The following NTM variants were observed in gnomAD, a reference collection of about 807,000 sequenced individuals.
NTM encodes the protein IgLON family member 2.
A neutral mutation model predicts 42.1 loss-of-function variants in NTM; 13 were observed. The ratio of observed to expected loss-of-function variants is 0.31; its 90% CI spans 0.20 to 0.49. NTM has a LOEUF of 0.49. NTM is among the 20% of genes least tolerant of loss of function. The pLI, the probability that NTM is intolerant of heterozygous loss-of-function variation, is 0.99. For synonymous variants in NTM, 187 were observed against 179.2 expected (o/e 1.04, Z -0.35); for missense variants, 373 against 452.8 (o/e 0.82, Z 1.60).
chr11:131,856,927 G>C (rs79414700), intron 1 of NTM, among the ~76,000 whole-genome samples: 8,124 of 152,230 alleles, frequency 0.053, 705 homozygotes, highest in African/African-American at 0.18. Context: ...GGGGCTGGCA[G>C]CCAGGTATAC....
At chr11:132,312,021 C>T (rs1320498268) in intron 6 of NTM, among the ~76,000 whole-genome samples, 1 of 152,154 alleles carries the variant, frequency 6.6e-6, no homozygotes, top group Admixed American at 6.5e-5. Flanking sequence ...CTCCCCTTTC[C>T]ATTTAGTGGT....
At chr11:131,925,958 A>G (rs1209425399) in intron 2 of NTM, among the ~76,000 whole-genome samples, 1 of 152,104 alleles carries the variant, frequency 6.6e-6, no homozygotes, top group African/African-American at 2.4e-5. Flanking sequence ...AGCTGAATGT[A>G]TCCTTGGAGA....
In NTM at chr11:131,549,518, C is replaced by T. The variant is rs1018810664; in HGVS notation, c.82+178630C>T. Among the ~76,000 whole-genome samples the T allele has an allele frequency of 2.6e-5, 4 of 152,040 alleles. No homozygotes were observed. The East Asian group carries it at 5.8e-4, about 22-fold the overall frequency. The stretch of plus-strand genomic sequence containing the variant: ...ACTAAATCTTTCATACATATTATCC[C>T]ACAATGACACCATGGAGTAATGATT... On this transcript the variant is annotated intron_variant, in intron 1 of 8. Coordinates refer to ENST00000683400, the MANE Select transcript of NTM (RefSeq NM_001352005.2).
intron 2 of NTM, among the ~76,000 whole-genome samples, chr11:131,962,585 C>T (rs2134532898): frequency 6.6e-6 from 1 of 152,344 alleles, no homozygotes; most frequent in South Asian, 2.1e-4. Context: ...GGATCTTGGA[C>T]TTCCCAGCCT....
chr11:131,718,455 A>ACAAGATACTCATGCGTACC (rs564320416), intron 1 of NTM, among the ~76,000 whole-genome samples: 166 of 152,308 alleles, frequency 1.1e-3, no homozygotes, highest in African/African-American at 3.8e-3. Flanking sequence ...CATCACTGAC[A>ACAAGATACTCATGCGTACC]CAAGATACTC....
At chr11:131,971,596 G>A (rs2063536088) in intron 2 of NTM, among the ~76,000 whole-genome samples, 1 of 152,054 alleles carries the variant, frequency 6.6e-6, no homozygotes, top group African/African-American at 2.4e-5. Context: ...ATATATGCTG[G>A]AACCAACCTG....
chr11:131,464,772 C>T (rs1280376345), intron 1 of NTM, among the ~76,000 whole-genome samples: 1 of 152,160 alleles, frequency 6.6e-6, no homozygotes, highest in Non-Finnish European at 1.5e-5. Context: ...TGTCAGTGTC[C>T]AAGCGGGTCT....
intron 1 of NTM, among the ~76,000 whole-genome samples, chr11:131,551,840 C>T (rs2054706856): frequency 6.6e-6 from 1 of 152,104 alleles, no homozygotes; most frequent in South Asian, 2.1e-4. Context: ...TGAACTATAG[C>T]AAAAAATTCC....
At chr11:132,077,762 A>C (rs528768852) in intron 2 of NTM, among the ~76,000 whole-genome samples, 1 of 152,196 alleles carries the variant, frequency 6.6e-6, no homozygotes, top group Non-Finnish European at 1.5e-5. Flanking sequence ...ACAAGCAACA[A>C]GAACAAACTT....
chr11:132,169,663 C>T (rs1001748178), intron 3 of NTM, among the ~76,000 whole-genome samples: 1 of 152,014 alleles, frequency 6.6e-6, no homozygotes, highest in Non-Finnish European at 1.5e-5. Context: ...ACTTCTTAGA[C>T]TGGCAGTATC....
At chr11:131,625,316 T>G (rs916284391) in intron 1 of NTM, among the ~76,000 whole-genome samples, 4 of 152,182 alleles carry the variant, frequency 2.6e-5, no homozygotes, top group Admixed American at 6.5e-5. Flanking sequence ...TGGACCCCTC[T>G]GAGCAAGGGG....
intron 2 of NTM, among the ~76,000 whole-genome samples, chr11:132,025,794 A>G (rs1256957982): frequency 6.6e-6 from 1 of 152,240 alleles, no homozygotes; most frequent in African/African-American, 2.4e-5. Flanking sequence ...CTGTGAAAAT[A>G]GATTTCATAT....
At chr11:131,949,195 A>G (rs2060705564) in intron 2 of NTM, among the ~76,000 whole-genome samples, 1 of 152,224 alleles carries the variant, frequency 6.6e-6, no homozygotes, top group Non-Finnish European at 1.5e-5. Flanking sequence ...TGTATATTGC[A>G]TACTGTTACA....
intron 2 of NTM, among the ~76,000 whole-genome samples, chr11:131,952,494 T>A (rs2061121209): frequency 6.6e-6 from 1 of 152,222 alleles, no homozygotes; most frequent in Non-Finnish European, 1.5e-5. Context: ...CTTATGGGCA[T>A]TTTAATTTTT....
chr11:131,498,076 G>A (rs536225141), intron 1 of NTM, among the ~76,000 whole-genome samples: 6 of 152,250 alleles, frequency 3.9e-5, no homozygotes, highest in South Asian at 4.1e-4. Flanking sequence ...TTTCTCCATC[G>A]CTCCATCTGC....
At chr11:131,427,010 G>A (rs147708607) in intron 1 of NTM, among the ~76,000 whole-genome samples, 2 of 152,188 alleles carry the variant, frequency 1.3e-5, no homozygotes, top group Non-Finnish European at 2.9e-5. Flanking sequence ...GGAGGGCAAT[G>A]GTTCTGGTGG....
chr11:132,230,385 G>A (rs772347639), intron 4 of NTM, among the ~76,000 whole-genome samples: 1 of 152,226 alleles, frequency 6.6e-6, no homozygotes, highest in Non-Finnish European at 1.5e-5. Context: ...AAAGTGAGGT[G>A]CAGAAATGTT....
intron 1 of NTM, among the ~76,000 whole-genome samples, chr11:131,444,822 A>T (rs1025486995): frequency 2.6e-5 from 4 of 152,180 alleles, no homozygotes; most frequent in African/African-American, 9.7e-5. Context: ...AAGACTGGAG[A>T]GAAGATGTAA....
At chr11:131,544,866 A>C (rs1424377458) in intron 1 of NTM, among the ~76,000 whole-genome samples, 1 of 152,216 alleles carries the variant, frequency 6.6e-6, no homozygotes, top group Non-Finnish European at 1.5e-5. Flanking sequence ...ACTTGATAGC[A>C]GTGGGTGGAG....
Sources: allele counts gnomAD v4.1 joint callset (sites outside exome capture counted in the v4.1 genomes callset), GRCh38; gene constraint gnomAD v4.1.1; transcripts MANE v1.5; gene names NCBI Gene and HGNC (gene_info 2026-07-23, HGNC 2026-07-21).